PIK3CB: variants seen among roughly 807,000 people sequenced by gnomAD.
PIK3CB encodes the protein phosphatidylinositol-4,5-bisphosphate 3-kinase catalytic subunit beta.
PIK3CB carries 39 observed loss-of-function variants against 136.8 expected under a neutral mutation model. That is an observed-to-expected ratio of 0.29 (90% CI 0.22 to 0.37). The LOEUF (loss-of-function observed/expected upper bound fraction) is 0.37, where lower values mean the gene tolerates loss of function less well. Ranked by LOEUF, PIK3CB falls within the 10% of genes least tolerant of loss-of-function variation. The pLI, the probability that PIK3CB is intolerant of heterozygous loss-of-function variation, is 1.00. For synonymous variants in PIK3CB, 428 were observed against 436.6 expected (o/e 0.98, Z 0.25); for missense variants, 868 against 1,275.4 (o/e 0.68, Z 4.87).
intron 2 of PIK3CB, among the ~76,000 whole-genome samples, chr3:138,796,244 G>C (rs914420264): frequency 6.6e-6 from 1 of 151,770 alleles, no homozygotes; most frequent in African/African-American, 2.4e-5. Context: ...TATTAGCCGG[G>C]CATTGTGGCA....
In PIK3CB at chr3:138,665,144, C is replaced by G. The variant is rs1376743596; in HGVS notation, c.2564G>C (p.Ser855Thr). The G allele has an allele frequency of 2.5e-6, 4 of 1,613,214 alleles. No individual in the cohort carries two copies. Among genetic ancestry groups the G allele is most frequent in the Non-Finnish European group, 3.4e-6 (4 of 1,179,600 alleles). The change falls in exon 20 of 24, where the codon AGC (serine) becomes ACC (threonine). Residue 855 changes from serine to threonine, a missense_variant. Transcript: ENST00000674063. ...AATGTCAGCAATTGTTTCAGAGGTG[C>G]TCACAACTTCAATGAGGCCAGAGCG... is the stretch of plus-strand genomic sequence containing the variant. ...GDRSGLIEVV[S>T]TSETIADIQL... is the part of the protein sequence containing the mutation.
chr3:138,690,951 T>C, intron 15 of PIK3CB, 49 bp downstream of exon 15: 5 of 1,431,656 alleles, frequency 3.5e-6, no homozygotes, highest in Non-Finnish European at 4.8e-6. Flanking sequence ...TGCTTGTTTA[T>C]AGTTACTAAA....
At chr3:138,707,849 G>A (rs2044410164) in intron 10 of PIK3CB, among the ~76,000 whole-genome samples, 1 of 152,072 alleles carries the variant, frequency 6.6e-6, no homozygotes, top group Non-Finnish European at 1.5e-5. Flanking sequence ...CTTTCTTCAA[G>A]GTACTCCTTC....
intron 1 of PIK3CB, among the ~76,000 whole-genome samples, chr3:138,814,645 G>A (rs911620402): frequency 6.6e-6 from 1 of 151,624 alleles, no homozygotes; most frequent in South Asian, 2.1e-4. Flanking sequence ...CCACTCAACC[G>A]TTATCCTTTG....
At chr3:138,688,563 C>T (rs2043944285) in intron 16 of PIK3CB, among the ~76,000 whole-genome samples, 1 of 149,284 alleles carries the variant, frequency 6.7e-6, no homozygotes, top group African/African-American at 2.5e-5. Context: ...CATTTCTTAG[C>T]ACTTTGGGAT....
At chr3:138,676,895 T>C (rs1183417699) in intron 19 of PIK3CB, among the ~76,000 whole-genome samples, 1 of 152,146 alleles carries the variant, frequency 6.6e-6, no homozygotes, top group Non-Finnish European at 1.5e-5. Context: ...GAAGGGTTGA[T>C]AAAAATGTTG....
At chr3:138,689,304 T>C (rs1172509009) in intron 15 of PIK3CB, among the ~76,000 whole-genome samples, 2 of 152,228 alleles carry the variant, frequency 1.3e-5, no homozygotes, top group Non-Finnish European at 2.9e-5. Context: ...AAATGAGTCC[T>C]GGACTTAGAA....
chr3:138,746,870 ACT>A (rs1173513735), intron 4 of PIK3CB, among the ~76,000 whole-genome samples: 4 of 150,218 alleles, frequency 2.7e-5, no homozygotes, highest in Non-Finnish European at 5.9e-5. Context: ...CTGCATTTTT[ACT>A]CTGAGATAAA....
chr3:138,777,143 A>G (rs1035070123), intron 2 of PIK3CB, among the ~76,000 whole-genome samples: 5 of 152,164 alleles, frequency 3.3e-5, no homozygotes, highest in Non-Finnish European at 7.4e-5. Context: ...GGTCACTGGC[A>G]TAGCCTTCTA....
At chr3:138,714,767 C>G (rs1487443561) in intron 8 of PIK3CB, 48 bp from the exon 9 acceptor site, 3 of 1,443,098 alleles carry the variant, frequency 2.1e-6, no homozygotes, top group Non-Finnish European at 1.9e-6. Flanking sequence ...AATACTGTAC[C>G]ACGAAAAACA....
At chr3:138,833,780 T>C (rs1934150415) in intron 1 of PIK3CB, among the ~76,000 whole-genome samples, 1 of 152,200 alleles carries the variant, frequency 6.6e-6, no homozygotes, top group Admixed American at 6.6e-5. Context: ...TCACTTGAGA[T>C]GAAACAGCAA....
At chr3:138,703,039 A>T (rs963048407) in intron 12 of PIK3CB, among the ~76,000 whole-genome samples, 1 of 152,220 alleles carries the variant, frequency 6.6e-6, no homozygotes, top group Admixed American at 6.5e-5. Flanking sequence ...TGTCTCCAGA[A>T]ACCTGAATAA....
At chr3:138,764,111 CA>C (rs143635044) in intron 2 of PIK3CB, among the ~76,000 whole-genome samples, 2,551 of 78,928 alleles carry the variant, frequency 0.032, 36 homozygotes, top group African/African-American at 0.089. Context: ...ACTCCATCTC[CA>C]AAAAAAAAAA....
intron 2 of PIK3CB, among the ~76,000 whole-genome samples, chr3:138,761,277 A>G (rs2045658838): frequency 6.6e-6 from 1 of 152,252 alleles, no homozygotes; most frequent in African/African-American, 2.4e-5. Context: ...TACAGGAAAC[A>G]GAGAAAAAAG....
At chr3:138,715,421 T>C (rs976758282) in intron 8 of PIK3CB, among the ~76,000 whole-genome samples, 1 of 152,126 alleles carries the variant, frequency 6.6e-6, no homozygotes, top group Non-Finnish European at 1.5e-5. Context: ...AACACAGAGA[T>C]TGACCCAGTG....
At chr3:138,689,012 C>G (rs2043954100) in intron 15 of PIK3CB, 38 bp from the exon 16 acceptor site, 1 of 1,230,558 alleles carries the variant, frequency 8.1e-7, no homozygotes, top group Non-Finnish European at 1.2e-6. Flanking sequence ...GTTTGTTTAT[C>G]AAACACTTCA....
intron 19 of PIK3CB, among the ~76,000 whole-genome samples, chr3:138,677,129 C>T (rs766591276): frequency 4.7e-5 from 7 of 150,432 alleles, no homozygotes; most frequent in South Asian, 2.1e-4. Context: ...GTGCCATCTC[C>T]GCTCACTGCA....
At chr3:138,729,817 A>G (rs1003641856) in intron 8 of PIK3CB, among the ~76,000 whole-genome samples, 2 of 152,124 alleles carry the variant, frequency 1.3e-5, no homozygotes, top group African/African-American at 4.8e-5. Context: ...TTGCTTATTT[A>G]TATGTGATAA....
chr3:138,695,128 C>A (rs2044108152), intron 13 of PIK3CB, among the ~76,000 whole-genome samples: 1 of 152,092 alleles, frequency 6.6e-6, no homozygotes. Flanking sequence ...GTACTTACCC[C>A]CAAATAAATT....
Sources: allele counts gnomAD v4.1 joint callset (sites outside exome capture counted in the v4.1 genomes callset), GRCh38; gene constraint gnomAD v4.1.1; transcripts MANE v1.5; gene names NCBI Gene and HGNC (gene_info 2026-07-23, HGNC 2026-07-21).